The following CCDC32 variants were observed in gnomAD, a reference collection of about 807,000 sequenced individuals.
CCDC32 encodes coiled-coil domain-containing protein 32.
CCDC32 carries 9 observed loss-of-function variants against 20.1 expected under a neutral mutation model. The observed-to-expected ratio is 0.45, with a 90% CI of 0.27 to 0.78. CCDC32 has a LOEUF of 0.78. Among genes scored for constraint, CCDC32 ranks in the 30% least tolerant of loss-of-function variants. CCDC32 has a pLI of 0.16. For synonymous variants in CCDC32, 63 were observed against 79.0 expected (o/e 0.80, Z 1.07); for missense variants, 204 against 215.5 (o/e 0.95, Z 0.33).
downstream of CCDC32, among the ~76,000 whole-genome samples, chr15:40,532,714 C>CTTTTTTTTTTTTTTTTT (rs1189285245): frequency 1.1e-5 from 1 of 91,486 alleles, no homozygotes; most frequent in South Asian, 3.6e-4. Flanking sequence ...TGTTTTCTTT[C>CTTTTTTTTTTTTTTTTT]TTTTTTTTTT....
chr15:40,563,325 T>C (rs1034873085), intron 1 of CCDC32, among the ~76,000 whole-genome samples: 9 of 152,212 alleles, frequency 5.9e-5, no homozygotes, highest in Non-Finnish European at 2.9e-5. Context: ...ATCACGCCAT[T>C]GCACTCCAGC....
At chr15:40,559,681 A>C (rs944234833) in intron 2 of CCDC32, among the ~76,000 whole-genome samples, 35 of 152,118 alleles carry the variant, frequency 2.3e-4, no homozygotes, top group African/African-American at 8.5e-4. Flanking sequence ...TGTTTTTGCA[A>C]GATATTTCTT....
chr15:40,530,799 C>A (rs1409972291), downstream of CCDC32, among the ~76,000 whole-genome samples: 1 of 150,900 alleles, frequency 6.6e-6, no homozygotes, highest in African/African-American at 2.4e-5. Context: ...GAACTGACTC[C>A]CGGGCTCAAG....
chr15:40,530,620 C>T (rs1888846823), downstream of CCDC32, among the ~76,000 whole-genome samples: 1 of 151,128 alleles, frequency 6.6e-6, no homozygotes, highest in Non-Finnish European at 1.5e-5. Flanking sequence ...TTCCTGAGGC[C>T]TCACCAGCAG....
chr15:40,534,385 G>T (rs561498566), downstream of CCDC32: 1 of 156,788 alleles, frequency 6.4e-6, no homozygotes, highest in African/African-American at 2.4e-5. Context: ...GTTTGGCATG[G>T]CTGGGGACGC....
chr15:40,540,965 C>T (rs1049227209), intron 3 of CCDC32, among the ~76,000 whole-genome samples: 32 of 152,172 alleles, frequency 2.1e-4, no homozygotes, highest in Admixed American at 4.6e-4. Flanking sequence ...AACTCACCCC[C>T]GGGGAGAACC....
downstream of CCDC32, among the ~76,000 whole-genome samples, chr15:40,530,429 C>T (rs1050621007): frequency 9.9e-5 from 15 of 150,760 alleles, no homozygotes; most frequent in African/African-American, 2.9e-4. Flanking sequence ...TCTGAGTTCA[C>T]GTGAGATCTG....
rs535867493 is a variant in CCDC32, at chr15:40,563,814, C to T, written c.-12-787G>A. On this transcript the variant is annotated intron_variant, in intron 1 of 3. Transcript: ENST00000416810. ...AGTCAATTAAATTCTGTTTTTTTTT[C>T]TTTCTTTCTTTCTTTTTTTTTTTTG... is the stretch of plus-strand genomic sequence containing the variant. Among the ~76,000 whole-genome samples, 81 of 123,584 alleles carry T rather than the reference C, an allele frequency of 6.6e-4. 1 individual carries two copies. The highest frequency in any genetic ancestry group is 4.6e-3 in the Middle Eastern group (1 of 218). 81.1% of individuals were successfully genotyped at this position (123,584 alleles called of 152,430 possible).
chr15:40,539,350 C>T (rs1027087927), exon 4 of CCDC32: 15 of 1,535,532 alleles, frequency 9.8e-6, no homozygotes, highest in Non-Finnish European at 1.3e-5. Context: ...TCTGGAGTTA[C>T]AGGGCCTATG....
At chr15:40,524,174 T>G (rs12592071), downstream of CCDC32, among the ~76,000 whole-genome samples, 1 of 128,982 alleles carries the variant, frequency 7.8e-6, no homozygotes, top group Non-Finnish European at 1.6e-5. Flanking sequence ...TTTTTTTTTT[T>G]GAGACGGGAG....
intron 3 of CCDC32, among the ~76,000 whole-genome samples, chr15:40,540,580 G>T (rs1383062639): frequency 6.6e-6 from 1 of 152,018 alleles, no homozygotes; most frequent in African/African-American, 2.4e-5. Context: ...TGCTGGCCAG[G>T]CTGGTCTCCA....
At chr15:40,543,284 CAT>C (rs1195915716) in intron 3 of CCDC32, among the ~76,000 whole-genome samples, 3 of 152,206 alleles carry the variant, frequency 2.0e-5, no homozygotes, top group South Asian at 2.1e-4. Context: ...ACCAGCTGCA[CAT>C]GTTTTCCCCT....
At chr15:40,552,507 A>G (rs12593462), downstream of CCDC32, among the ~76,000 whole-genome samples, 2 of 146,792 alleles carry the variant, frequency 1.4e-5, no homozygotes, top group African/African-American at 2.5e-5. Context: ...AAAAAAGAGG[A>G]AAGTATATTT....
downstream of CCDC32, among the ~76,000 whole-genome samples, chr15:40,550,307 G>T (rs1306341157): frequency 6.6e-6 from 1 of 152,302 alleles, no homozygotes; most frequent in African/African-American, 2.4e-5. Flanking sequence ...GAAAGTCAGG[G>T]GTGATAAGTA....
At chr15:40,557,526 G>T in intron 2 of CCDC32, 154 bp from the exon 3 acceptor site, 1 of 647,264 alleles carries the variant, frequency 1.5e-6, no homozygotes, top group Non-Finnish European at 2.5e-6. Flanking sequence ...CAGATAAAAG[G>T]GAATTGAACA....
intron 3 of CCDC32, among the ~76,000 whole-genome samples, chr15:40,541,835 T>A (rs989787777): frequency 1.6e-4 from 24 of 152,232 alleles, no homozygotes; most frequent in Non-Finnish European, 1.5e-5. Flanking sequence ...CTTTTTGTGA[T>A]CTTCCAACCC....
intron 3 of CCDC32, chr15:40,528,831 C>G: frequency 1.4e-6 from 1 of 692,412 alleles, no homozygotes; most frequent in South Asian, 1.5e-5. Flanking sequence ...AAAAGAAAAC[C>G]CCTCAACAGT....
intron 3 of CCDC32, among the ~76,000 whole-genome samples, chr15:40,547,455 A>G (rs1472576668): frequency 6.6e-6 from 1 of 151,968 alleles, no homozygotes; most frequent in Non-Finnish European, 1.5e-5. Flanking sequence ...TGGAAGCCAA[A>G]CTCTGCCTTA....
downstream of CCDC32, among the ~76,000 whole-genome samples, chr15:40,548,878 CA>C (rs1260181235): frequency 3.3e-5 from 5 of 152,136 alleles, no homozygotes; most frequent in African/African-American, 1.2e-4. Context: ...CTGAAGATCT[CA>C]GGGGAGGAGT....
Sources: gnomAD v4.1 joint callset for allele counts (sites outside exome capture counted in the v4.1 genomes callset) on GRCh38, gnomAD v4.1.1 for gene constraint, MANE v1.5 for transcripts, NCBI Gene and HGNC (gene_info 2026-07-23, HGNC 2026-07-21) for gene names.